Variants in EXOC6B observed in about 807,000 individuals in gnomAD.
EXOC6B encodes the protein SEC15 homolog B.
A neutral mutation model predicts 113.5 loss-of-function variants in EXOC6B; 54 were observed. The ratio of observed to expected loss-of-function variants is 0.48; its 90% CI spans 0.38 to 0.60. The LOEUF is 0.60. EXOC6B is among the 20% of genes least tolerant of loss of function. The pLI is 0.00. For missense variants in EXOC6B, 797 were observed against 977.5 expected, an observed-to-expected ratio of 0.82 and a Z score of 2.46; for synonymous variants, 357 against 339.0, an observed-to-expected ratio of 1.05 and a Z score of -0.58.
intron 6 of EXOC6B, among the ~76,000 whole-genome samples, chr2:72,717,257 C>T (rs1002024610): frequency 2.0e-5 from 3 of 152,018 alleles, no homozygotes; most frequent in African/African-American, 7.2e-5. Context: ...CAAGGCTAGT[C>T]GAGACCTAAA....
At chr2:72,607,281 C>A (rs900196415) in intron 6 of EXOC6B, among the ~76,000 whole-genome samples, 13 of 152,094 alleles carry the variant, frequency 8.5e-5, no homozygotes, top group South Asian at 8.3e-4. Context: ...AGGATTAGCT[C>A]AGCCTGATTT....
At chr2:72,363,364 A>T (rs558815029) in intron 19 of EXOC6B, among the ~76,000 whole-genome samples, 1 of 152,198 alleles carries the variant, frequency 6.6e-6, no homozygotes, top group African/African-American at 2.4e-5. Flanking sequence ...GAACTGACTG[A>T]TTGCTTGTAA....
chr2:72,812,173 C>A (rs908877109), intron 1 of EXOC6B, among the ~76,000 whole-genome samples: 1 of 152,058 alleles, frequency 6.6e-6, no homozygotes. Flanking sequence ...ACAAATGAGT[C>A]CAGCAAGATC....
At chr2:72,447,594 A>G (rs1696663993) in intron 18 of EXOC6B, among the ~76,000 whole-genome samples, 2 of 152,216 alleles carry the variant, frequency 1.3e-5, no homozygotes, top group African/African-American at 4.8e-5. Context: ...ACTAAAATAC[A>G]GCAGATACTG....
At chr2:72,312,448 C>T (rs1687251159) in intron 20 of EXOC6B, among the ~76,000 whole-genome samples, 1 of 152,026 alleles carries the variant, frequency 6.6e-6, no homozygotes, top group Admixed American at 6.6e-5. Flanking sequence ...ATGCCTCCTA[C>T]TAAATAAATG....
intron 7 of EXOC6B, among the ~76,000 whole-genome samples, chr2:72,564,733 A>G (rs6729155): frequency 0.024 from 3,654 of 152,260 alleles, 151 homozygotes; most frequent in African/African-American, 0.083. Context: ...ACACCACAGA[A>G]ACACCAACAA....
chr2:72,254,119 C>T (rs1031046393), intron 20 of EXOC6B, among the ~76,000 whole-genome samples: 4 of 151,916 alleles, frequency 2.6e-5, no homozygotes, highest in Non-Finnish European at 5.9e-5. Flanking sequence ...GAGATCACAC[C>T]ACTGCACTCC....
Position 72,179,365 on chromosome 2 carries a change from G to C in EXOC6B, c.2406C>G (p.Leu802=). 1 of 1,612,894 alleles carries C rather than the reference G, an allele frequency of 6.2e-7. No individual in the cohort carries two copies. The highest frequency in any genetic ancestry group is 1.1e-5 in the South Asian group (1 of 90,888). Residue 802 remains leucine, a synonymous_variant, in exon 22 of 22, where the codon CTC becomes CTG. Coordinates refer to ENST00000272427, the MANE Select transcript of EXOC6B (RefSeq NM_015189.3). ...AGTGGTGGCTGCTGATGAGTCCTCG[G>C]AGCTGCTTGGCCACGGTGTCAATGA... The part of the protein sequence containing the change: ...QKLIDTVAKQ[L]RGLISSHHS
chr2:72,451,839 T>C (rs1308237018), intron 18 of EXOC6B, among the ~76,000 whole-genome samples: 1 of 152,136 alleles, frequency 6.6e-6, no homozygotes, highest in Non-Finnish European at 1.5e-5. Flanking sequence ...ATTTCCAACA[T>C]TGTGTGTTAT....
intron 19 of EXOC6B, among the ~76,000 whole-genome samples, chr2:72,336,302 G>C (rs1181702820): frequency 6.6e-6 from 1 of 152,152 alleles, no homozygotes; most frequent in Non-Finnish European, 1.5e-5. Context: ...CCAACAACTA[G>C]TGGCTGGATA....
At chr2:72,714,893 T>C (rs577730757) in intron 6 of EXOC6B, among the ~76,000 whole-genome samples, 2 of 152,168 alleles carry the variant, frequency 1.3e-5, no homozygotes, top group Admixed American at 6.6e-5. Context: ...ACAGAACCTA[T>C]TGGAAAGAAA....
At chr2:72,529,930 CTCT>C (rs1701914236) in intron 8 of EXOC6B, among the ~76,000 whole-genome samples, 1 of 152,102 alleles carries the variant, frequency 6.6e-6, no homozygotes, top group Non-Finnish European at 1.5e-5. Context: ...TCACAGTGTT[CTCT>C]TATTATCCTT....
chr2:72,807,292 G>A (rs1309558980), intron 1 of EXOC6B, among the ~76,000 whole-genome samples: 1 of 152,074 alleles, frequency 6.6e-6, no homozygotes, highest in Non-Finnish European at 1.5e-5. Context: ...TTTCCCCATT[G>A]CTTGTTTTTG....
At chr2:72,725,386 C>G (rs996369184) in intron 5 of EXOC6B, among the ~76,000 whole-genome samples, 1 of 151,994 alleles carries the variant, frequency 6.6e-6, no homozygotes, top group African/African-American at 2.4e-5. Context: ...ACATTAAAGT[C>G]AAATAATAAG....
intron 20 of EXOC6B, among the ~76,000 whole-genome samples, chr2:72,262,991 A>C (rs1026369204): frequency 6.6e-6 from 1 of 152,172 alleles, no homozygotes; most frequent in African/African-American, 2.4e-5. Context: ...AACACTGAAG[A>C]TTTTCCTCTG....
At chr2:72,355,382 A>G (rs1281425491) in intron 19 of EXOC6B, among the ~76,000 whole-genome samples, 1 of 152,240 alleles carries the variant, frequency 6.6e-6, no homozygotes, top group African/African-American at 2.4e-5. Context: ...ATGCTCTAAC[A>G]AAGATTGGCG....
rs1189355450 is a variant in EXOC6B, at chr2:72,492,359, G to A, written c.1624C>T (p.Leu542=). The change falls in exon 16 of 22, where the codon CTG becomes TTG. Residue 542 remains leucine, a synonymous_variant. Transcript: ENST00000272427. The stretch of plus-strand genomic sequence containing the variant: ...TTCTTCCTTTTAATTACATTCTGCA[G>A]AGAGTTGCTCAGAGTCCTGGTTAGC... ...LLLTRTLSNS[L]QNVIKRKNIG... The A allele has an allele frequency of 6.2e-7, 1 of 1,612,794 alleles. No homozygotes were observed. The highest frequency in any genetic ancestry group is 8.5e-7 in the Non-Finnish European group (1 of 1,179,098).
rs1367965146 is a variant in EXOC6B at position 72,603,691 on chromosome 2, C to T, written c.670-28023G>A. On this transcript the variant is annotated intron_variant, in intron 6 of 21. Coordinates refer to ENST00000272427, the MANE Select transcript of EXOC6B (RefSeq NM_015189.3). ...AACAGCATTCATTCCTTGCTTCAGC[C>T]ATCATTTCCTTGCTTCCCACTGGTA... Among the ~76,000 whole-genome samples, 3 of 152,110 alleles carry T rather than the reference C, an allele frequency of 2.0e-5. No homozygotes were observed. In the East Asian group the frequency reaches 5.8e-4, roughly 29 times the overall value.
chr2:72,377,204 G>A (rs566549716), intron 19 of EXOC6B, among the ~76,000 whole-genome samples: 1 of 152,152 alleles, frequency 6.6e-6, no homozygotes, highest in African/African-American at 2.4e-5. Flanking sequence ...GAAATAACAA[G>A]TGTTGAAAAG....
Sources: gnomAD v4.1 joint callset for allele counts (sites outside exome capture counted in the v4.1 genomes callset) on GRCh38, gnomAD v4.1.1 for gene constraint, MANE v1.5 for transcripts, NCBI Gene and HGNC (gene_info 2026-07-23, HGNC 2026-07-21) for gene names.